Variants in BCL2L11 observed in about 807,000 individuals in gnomAD.
BCL2L11 encodes the protein BCL2 like 11.
In BCL2L11, 15 loss-of-function variants were observed where a neutral mutation model predicts 20.6. The ratio of observed to expected loss-of-function variants is 0.73; its 90% confidence interval spans 0.49 to 1.12. The LOEUF (loss-of-function observed/expected upper bound fraction) is 1.12. BCL2L11 is among the 50% of genes most tolerant of loss of function. The pLI, the probability that BCL2L11 is intolerant of heterozygous loss-of-function variation, is 0.00. For synonymous variants in BCL2L11, 108 were observed against 92.8 expected, an observed-to-expected ratio of 1.16 and a Z score of -0.94; for missense variants, 292 against 260.9, an observed-to-expected ratio of 1.12 and a Z score of -0.82.
At chr2:111,135,657 C>T (rs61539894) in intron 2 of BCL2L11, among the ~76,000 whole-genome samples, 2,104 of 152,176 alleles carry the variant, frequency 0.014, 54 homozygotes, top group African/African-American at 0.048. Context: ...CCAGATGGGG[C>T]GAAGACTCAG....
At chr2:111,151,787 A>G (rs2077288915) in intron 3 of BCL2L11, 1 of 1,482,808 alleles carries the variant, frequency 6.7e-7, no homozygotes, top group East Asian at 2.5e-5. Context: ...TGTGACATTG[A>G]TGGACTTAAG....
chr2:111,123,552 A>C (rs1159887090), intron 1 of BCL2L11, 181 bp from the exon 2 acceptor site: 1 of 980,872 alleles, frequency 1.0e-6, no homozygotes, highest in Admixed American at 6.1e-5. Flanking sequence ...TCTACCAAAA[A>C]AAAATTACAC....
intron 2 of BCL2L11, among the ~76,000 whole-genome samples, chr2:111,129,181 C>T (rs904515278): frequency 6.6e-6 from 1 of 152,214 alleles, no homozygotes. Context: ...TATATTCGGA[C>T]TTCAAAAAGT....
Position 111,123,958 on chromosome 2 carries a change from C to T in BCL2L11, c.213C>T (p.Gly71=). ...CGCTGGCCCCACCTGCCAGCCCTGG[C>T]CCTTTTGCTACCAGATCCCCGCTTT... is the stretch of plus-strand genomic sequence containing the variant. The part of the protein sequence containing the change: ...QGPLAPPASP[G]PFATRSPLFI... The change falls in exon 2 of 4, where the codon GGC becomes GGT. Residue 71 remains glycine (G), a synonymous_variant. Transcript: ENST00000393256. 3 of 1,614,250 alleles carry T rather than the reference C, an allele frequency of 1.9e-6. No homozygotes were observed. Among genetic ancestry groups the T allele is most frequent in the Non-Finnish European group, 1.7e-6 (2 of 1,180,038 alleles).
chr2:111,165,469 T>A lies in BCL2L11; in HGVS notation c.*1238T>A, dbSNP rs972547883. 6.6e-6 allele frequency: 1 copy of A among 152,274 alleles called. No homozygotes were observed. The highest frequency in any genetic ancestry group is 1.5e-5 in the Non-Finnish European group (1 of 68,072). The allele number at this position is 152,274 out of a possible 1,614,324, so 9.4% of individuals were successfully genotyped here. ...ACTTTGAAACAGGCCTCATCCCACTTCCACCAGCACCATAGAAGAATAATT... is the reference window on the plus strand; with the variant it reads ...ACTTTGAAACAGGCCTCATCCCACTACCACCAGCACCATAGAAGAATAATT... On this transcript the variant is annotated 3_prime_UTR_variant, in exon 4 of 4. Coordinates refer to ENST00000393256, the MANE Select transcript of BCL2L11 (RefSeq NM_138621.5).
chr2:111,152,831 T>A (rs2077406531), intron 3 of BCL2L11, among the ~76,000 whole-genome samples: 1 of 152,254 alleles, frequency 6.6e-6, no homozygotes, highest in African/African-American at 2.4e-5. Flanking sequence ...GTGTTTCCAA[T>A]AAGATGCAAC....
intron 3 of BCL2L11, among the ~76,000 whole-genome samples, chr2:111,150,471 G>T (rs2077118385): frequency 6.6e-6 from 1 of 152,222 alleles, no homozygotes; most frequent in Admixed American, 6.5e-5. Context: ...TCCATGTAGT[G>T]TGTTTCTGTA....
intron 2 of BCL2L11, chr2:111,132,070 T>C (rs2074063611): frequency 6.6e-6 from 1 of 152,168 alleles, no homozygotes; most frequent in Non-Finnish European, 1.5e-5. Flanking sequence ...GCTCTTACAG[T>C]CTCATGTGCC....
chr2:111,124,051 C>A lies in BCL2L11; in HGVS notation c.306C>A (p.Asp102Glu), dbSNP rs776591386. 1 of 1,614,192 alleles carries A rather than the reference C, an allele frequency of 6.2e-7. No homozygotes were observed. The highest frequency in any genetic ancestry group is 8.5e-7 in the Non-Finnish European group (1 of 1,180,028). The change falls in exon 2 of 4, where the codon GAC (aspartate) becomes GAA (glutamate). Residue 102 changes from aspartate (D) to glutamate (E), a missense_variant. By Grantham distance (45) the Asp-to-Glu change is conservative. Coordinates refer to ENST00000393256, the MANE Select transcript of BCL2L11 (RefSeq NM_138621.5). ...SSSGYFSFDT[D>E]RSPAPMSCDK... is the part of the protein sequence containing the mutation. Reference sequence around the variant, plus strand: ...GTGGGTATTTCTCTTTTGACACAGACAGGAGCCCAGCACCCATGAGTTGTG... The same window carrying A: ...GTGGGTATTTCTCTTTTGACACAGAAAGGAGCCCAGCACCCATGAGTTGTG...
At chr2:111,149,168 T>A (rs903048331) in intron 2 of BCL2L11, among the ~76,000 whole-genome samples, 1 of 152,242 alleles carries the variant, frequency 6.6e-6, no homozygotes, top group African/African-American at 2.4e-5. Context: ...TGGTGGCACA[T>A]GGAGAATATA....
At chr2:111,123,151 G>A (rs1393457058) in intron 1 of BCL2L11, 1 of 985,210 alleles carries the variant, frequency 1.0e-6, no homozygotes, top group East Asian at 1.1e-4. Context: ...GGGAGGGAGG[G>A]AGCACGGGCG....
Position 111,166,871 on chromosome 2 carries a change from G to A in BCL2L11, c.*2640G>A, listed in dbSNP as rs1214544692. On this transcript the variant is annotated 3_prime_UTR_variant, in exon 4 of 4. Coordinates refer to ENST00000393256, the MANE Select transcript of BCL2L11 (RefSeq NM_138621.5). Reference sequence around the variant, plus strand: ...TTCCCCTTCTTAATGTATATATTGTGAGTATTTATTAGATTCGTAGGTCAT... The same window carrying A: ...TTCCCCTTCTTAATGTATATATTGTAAGTATTTATTAGATTCGTAGGTCAT... The A allele has an allele frequency of 6.6e-6, 1 of 152,554 alleles. No homozygotes were observed. The highest frequency in any genetic ancestry group is 1.5e-5 in the Non-Finnish European group (1 of 68,040). 9.5% of individuals were successfully genotyped at this position (152,554 alleles called of 1,614,324 possible).
chr2:111,136,774 G>T (rs1400906563), intron 2 of BCL2L11, among the ~76,000 whole-genome samples: 2 of 152,172 alleles, frequency 1.3e-5, no homozygotes, highest in Non-Finnish European at 2.9e-5. Context: ...TTCAAGGTCA[G>T]GTTTCAGCGA....
chr2:111,164,299 C>T lies in BCL2L11; in HGVS notation c.*68C>T, dbSNP rs111743396. 6.7e-6 allele frequency: 8 copies of T among 1,190,726 alleles called. No homozygotes were observed. The highest frequency in any genetic ancestry group is 2.0e-4 in the Middle Eastern group (1 of 5,106). 73.8% of individuals were successfully genotyped at this position (1,190,726 alleles called of 1,614,324 possible). A position where few individuals can be genotyped will look rare whatever the true frequency, so the allele number is the denominator to read the frequency against. On this transcript the variant is annotated 3_prime_UTR_variant, in exon 4 of 4. Coordinates refer to ENST00000393256, the MANE Select transcript of BCL2L11 (RefSeq NM_138621.5). ...TGTTCAAACCAACAAGACCCAGCAC[C>T]GCGGTCTCCTGGTGCCATTATTATG...
intron 3 of BCL2L11, among the ~76,000 whole-genome samples, chr2:111,152,483 C>G (rs1436507885): frequency 6.6e-6 from 1 of 152,236 alleles, no homozygotes; most frequent in Non-Finnish European, 1.5e-5. Flanking sequence ...GAATGCATGA[C>G]TCCACAAGGC....
At position 111,129,258 on chromosome 2, in the gene BCL2L11, C is replaced by T. The variant is rs13429588; in HGVS notation, c.394+5119C>T. Among the ~76,000 whole-genome samples, 736 of 152,248 alleles carry T rather than the reference C, an allele frequency of 4.8e-3. 7 individuals carry two copies. The highest frequency in any genetic ancestry group is 0.016 in the African/African-American group (674 of 41,530). Reference sequence around the variant, plus strand: ...TGGAGCCTCCCAATAGAGGTGTCTTCGAGGGAGTCCCAGCTCTGTCTCTGA... The same window carrying T: ...TGGAGCCTCCCAATAGAGGTGTCTTTGAGGGAGTCCCAGCTCTGTCTCTGA... On this transcript the variant is annotated intron_variant, in intron 2 of 3. Coordinates refer to ENST00000393256, the MANE Select transcript of BCL2L11 (RefSeq NM_138621.5).
At chr2:111,163,546 G>A (rs1019909195) in intron 3 of BCL2L11, 4 of 152,646 alleles carry the variant, frequency 2.6e-5, no homozygotes, top group African/African-American at 7.2e-5. Context: ...TTATGTTCTG[G>A]ATTGCTCTTT....
intron 3 of BCL2L11, among the ~76,000 whole-genome samples, chr2:111,162,509 T>G (rs1266402354): frequency 6.6e-6 from 1 of 152,240 alleles, no homozygotes; most frequent in Non-Finnish European, 1.5e-5. Flanking sequence ...CTACTTAAGC[T>G]TGGTCACAGC....
intron 2 of BCL2L11, among the ~76,000 whole-genome samples, chr2:111,146,505 C>T: frequency 6.6e-6 from 1 of 152,150 alleles, no homozygotes; most frequent in East Asian, 1.9e-4. Flanking sequence ...ATGCCAAACC[C>T]CACGGGCTCC....
Sources: allele counts gnomAD v4.1 joint callset (sites outside exome capture counted in the v4.1 genomes callset), GRCh38; gene constraint gnomAD v4.1.1; transcripts MANE v1.5; gene names NCBI Gene and HGNC (gene_info 2026-07-23, HGNC 2026-07-21).